Variants in ROBO2 observed in about 807,000 individuals in gnomAD.
ROBO2 encodes the protein roundabout guidance receptor 2.
In ROBO2, 53 loss-of-function variants were observed where a neutral mutation model predicts 160.8. The ratio of observed to expected loss-of-function variants is 0.33; its 90% CI spans 0.26 to 0.41. The LOEUF (loss-of-function observed/expected upper bound fraction) is 0.41. ROBO2 is among the 10% of genes least tolerant of loss of function. ROBO2 has a pLI of 1.00. For synonymous variants in ROBO2, 664 were observed against 611.7 expected, an observed-to-expected ratio of 1.09 and a Z score of -1.26; for missense variants, 1,577 against 1,722.4, an observed-to-expected ratio of 0.92 and a Z score of 1.49.
chr3:75,949,118 T>C (rs1471484241), intron 2 of ROBO2, among the ~76,000 whole-genome samples: 1 of 152,094 alleles, frequency 6.6e-6, no homozygotes, highest in African/African-American at 2.4e-5. Context: ...TCTGTTGAGG[T>C]ACTGAATCTA....
chr3:77,367,671 C>T (rs558061888), intron 2 of ROBO2, among the ~76,000 whole-genome samples: 18 of 152,268 alleles, frequency 1.2e-4, no homozygotes, highest in African/African-American at 4.1e-4. Context: ...TTCTGTGGGA[C>T]ACCTTATGCT....
At chr3:75,925,120 C>T (rs1002625169) in intron 1 of ROBO2, among the ~76,000 whole-genome samples, 6 of 151,918 alleles carry the variant, frequency 3.9e-5, no homozygotes, top group African/African-American at 1.5e-4. Flanking sequence ...CGGCTGGGCA[C>T]GATGGCTCAT....
chr3:76,853,915 G>A (rs2069698691), intron 2 of ROBO2, among the ~76,000 whole-genome samples: 1 of 151,864 alleles, frequency 6.6e-6, no homozygotes, highest in Non-Finnish European at 1.5e-5. Flanking sequence ...AAAGTGTGCT[G>A]TATATTCACC....
intron 2 of ROBO2, among the ~76,000 whole-genome samples, chr3:76,711,762 T>C (rs2093298761): frequency 6.6e-6 from 1 of 152,144 alleles, no homozygotes. Context: ...AAAGCACTCT[T>C]TCTGGAATCT....
At chr3:76,378,073 T>A (rs2076437227) in intron 2 of ROBO2, among the ~76,000 whole-genome samples, 1 of 152,168 alleles carries the variant, frequency 6.6e-6, no homozygotes, top group Non-Finnish European at 1.5e-5. Flanking sequence ...GCTTGCAGTA[T>A]AATATGAGAT....
At chr3:76,423,118 C>G (rs2076062710) in intron 2 of ROBO2, among the ~76,000 whole-genome samples, 1 of 152,112 alleles carries the variant, frequency 6.6e-6, no homozygotes, top group Non-Finnish European at 1.5e-5. Flanking sequence ...ATAGGTTTGA[C>G]TACAGAGTAA....
intron 2 of ROBO2, among the ~76,000 whole-genome samples, chr3:77,213,143 A>ATTGGT (rs2084419498): frequency 6.6e-6 from 1 of 152,190 alleles, no homozygotes; most frequent in African/African-American, 2.4e-5. Flanking sequence ...ATAGTTTCAG[A>ATTGGT]AGGAATGGTA....
chr3:77,502,137 A>G (rs551125397), intron 5 of ROBO2, among the ~76,000 whole-genome samples: 6 of 152,310 alleles, frequency 3.9e-5, no homozygotes, highest in Admixed American at 3.3e-4. Flanking sequence ...ATCACTGACT[A>G]TGGGACCTAG....
chr3:77,235,253 A>G (rs1354045893), intron 2 of ROBO2, among the ~76,000 whole-genome samples: 1 of 152,184 alleles, frequency 6.6e-6, no homozygotes, highest in African/African-American at 2.4e-5. Context: ...ACAGCATTCA[A>G]TGCTATTGTT....
chr3:76,592,495 T>C (rs2108840187), intron 2 of ROBO2, among the ~76,000 whole-genome samples: 1 of 152,198 alleles, frequency 6.6e-6, no homozygotes, highest in Non-Finnish European at 1.5e-5. Context: ...ATTTTAGAGA[T>C]CAAATGTAAT....
intron 2 of ROBO2, among the ~76,000 whole-genome samples, chr3:77,465,088 C>A (rs1232731546): frequency 6.6e-6 from 1 of 152,000 alleles, no homozygotes; most frequent in African/African-American, 2.4e-5. Context: ...GTAATTTGTT[C>A]ATCAAGAGTA....
chr3:76,918,568 T>A (rs1003764995), intron 2 of ROBO2, among the ~76,000 whole-genome samples: 1 of 152,242 alleles, frequency 6.6e-6, no homozygotes, highest in Non-Finnish European at 1.5e-5. Context: ...AGTGTCATAA[T>A]TTTATGTAAT....
chr3:77,601,824 A>G (rs760983640), intron 19 of ROBO2, among the ~76,000 whole-genome samples: 22 of 152,240 alleles, frequency 1.4e-4, no homozygotes, highest in Non-Finnish European at 2.6e-4. Context: ...TAAAGTGGAA[A>G]GAGATGTTTT....
intron 2 of ROBO2, among the ~76,000 whole-genome samples, chr3:76,220,555 T>G (rs1703897797): frequency 6.6e-6 from 1 of 152,116 alleles, no homozygotes; most frequent in Non-Finnish European, 1.5e-5. Flanking sequence ...GAGCATTGAT[T>G]TGGGACTTCC....
At chr3:76,121,725 C>T (rs1186728727) in intron 2 of ROBO2, among the ~76,000 whole-genome samples, 1 of 152,058 alleles carries the variant, frequency 6.6e-6, no homozygotes, top group Non-Finnish European at 1.5e-5. Context: ...TTTTATCCAC[C>T]TATAATTCAC....
intron 2 of ROBO2, among the ~76,000 whole-genome samples, chr3:76,181,209 T>G (rs554313436): frequency 6.6e-6 from 1 of 152,258 alleles, no homozygotes; most frequent in African/African-American, 2.4e-5. Context: ...TGCCTAGATT[T>G]GCTTGTGGAA....
chr3:76,397,527 G>T (rs1338102067), intron 2 of ROBO2, among the ~76,000 whole-genome samples: 3 of 151,728 alleles, frequency 2.0e-5, no homozygotes, highest in Non-Finnish European at 4.4e-5. Flanking sequence ...TACCATCAGA[G>T]TGAACAGGCA....
intron 2 of ROBO2, among the ~76,000 whole-genome samples, chr3:76,914,773 C>T (rs1054730869): frequency 2.6e-5 from 4 of 151,982 alleles, no homozygotes; most frequent in East Asian, 3.9e-4. Flanking sequence ...TGAACTTCTT[C>T]GATTTGGTTA....
In ROBO2 at chr3:77,189,799, T is replaced by A. The variant is rs144763275; in HGVS notation, c.388+91459T>A. 4.5e-3 allele frequency among the ~76,000 whole-genome samples: 679 copies of A among 152,104 alleles called. 6 individuals carry two copies. Among genetic ancestry groups the A allele is most frequent in the African/African-American group, 0.016 (648 of 41,574 alleles). ...GTTAATATTTATTGAATGCTTTCTA[T>A]ATGCCAGATGCTTTGCTAAGAGCTC... On this transcript the variant is annotated intron_variant, in intron 2 of 25. Coordinates refer to ENST00000461745, the Ensembl canonical transcript of ROBO2.
Sources: allele counts gnomAD v4.1 joint callset (sites outside exome capture counted in the v4.1 genomes callset), GRCh38; gene constraint gnomAD v4.1.1; transcripts MANE v1.5; gene names NCBI Gene and HGNC (gene_info 2026-07-23, HGNC 2026-07-21).